The following GLP2R variants were observed in gnomAD, a reference collection of about 807,000 sequenced individuals.
GLP2R encodes glucagon like peptide 2 receptor.
A neutral mutation model predicts 68.2 loss-of-function variants in GLP2R; 59 were observed. The observed-to-expected ratio is 0.87, with a 90% CI of 0.70 to 1.07. GLP2R has a LOEUF of 1.07. Ranked by LOEUF, GLP2R falls within the 50% of genes least tolerant of loss-of-function variation. The pLI is 0.00. For missense variants in GLP2R, 548 were observed against 677.4 expected (o/e 0.81, Z 2.12); for synonymous variants, 270 against 265.4 (o/e 1.02, Z -0.17).
At chr17:9,870,104 G>A (rs745743290) in intron 9 of GLP2R, among the ~76,000 whole-genome samples, 17 of 152,128 alleles carry the variant, frequency 1.1e-4, no homozygotes, top group Admixed American at 1.0e-3. Context: ...ACAGAAGAGA[G>A]GCAGAATAGC....
intron 4 of GLP2R, among the ~76,000 whole-genome samples, chr17:9,847,018 T>A (rs1021381756): frequency 2.6e-5 from 4 of 152,244 alleles, no homozygotes; most frequent in Admixed American, 1.3e-4. Context: ...GGCTAGGATT[T>A]GTTAACACTT....
chr17:9,869,991 C>T (rs563820638), intron 9 of GLP2R, among the ~76,000 whole-genome samples: 49 of 152,306 alleles, frequency 3.2e-4, no homozygotes, highest in Middle Eastern at 3.4e-3. Flanking sequence ...CAGTCCATGA[C>T]AGTCGTGGAA....
chr17:9,847,277 C>CT (rs34692608), intron 4 of GLP2R, among the ~76,000 whole-genome samples: 21,195 of 150,512 alleles, frequency 0.14, 2,943 homozygotes, highest in East Asian at 0.73. Flanking sequence ...ATTTTTTTTT[C>CT]TTTTTTTTTG....
intron 4 of GLP2R, among the ~76,000 whole-genome samples, chr17:9,851,007 A>G (rs915128202): frequency 4.0e-5 from 6 of 151,152 alleles, no homozygotes; most frequent in African/African-American, 1.5e-4. Context: ...TTTTTTTTTC[A>G]CTTTCTATGC....
intron 4 of GLP2R, among the ~76,000 whole-genome samples, chr17:9,851,923 A>G (rs558237230): frequency 5.1e-4 from 78 of 152,232 alleles, no homozygotes; most frequent in Non-Finnish European, 2.4e-4. Context: ...TAAATAACCC[A>G]TGAGTCAAGT....
In GLP2R at chr17:9,879,005, G is replaced by A. The variant is rs906138224; in HGVS notation, c.1146-1373G>A. 1.2e-4 allele frequency among the ~76,000 whole-genome samples: 19 copies of A among 152,020 alleles called. No individual in the cohort carries two copies. In the East Asian group the frequency reaches 2.3e-3, roughly 19 times the overall value. ...AAGACAGTAGCTTTGTTCGTACCCCGAATATGAGTCATCTCTGCTAATGTA... is the reference window on the plus strand; with the variant it reads ...AAGACAGTAGCTTTGTTCGTACCCCAAATATGAGTCATCTCTGCTAATGTA... On this transcript the variant is annotated intron_variant, in intron 10 of 12. Transcript: ENST00000262441.
chr17:9,831,589 G>A (rs115584306), intron 1 of GLP2R, among the ~76,000 whole-genome samples: 2,752 of 152,292 alleles, frequency 0.018, 77 homozygotes, highest in African/African-American at 0.062. Flanking sequence ...AGGTGAAAAT[G>A]AGGGCAGAAG....
chr17:9,828,870 C>T (rs745335016), intron 1 of GLP2R, among the ~76,000 whole-genome samples: 6 of 152,182 alleles, frequency 3.9e-5, no homozygotes, highest in Non-Finnish European at 7.3e-5. Context: ...TCTGCTTCCA[C>T]TCTCTGCCAC....
Position 9,889,526 on chromosome 17 carries a change from C to T in GLP2R, c.1483C>T (p.Pro495Ser). The change falls in exon 13 of 13, where the codon CCC becomes TCC. Residue 495 changes from proline to serine, a missense_variant. Physicochemically the swap from Pro to Ser is moderately conservative, Grantham distance 74 (BLOSUM62 -1). Coordinates refer to ENST00000262441, the MANE Select transcript of GLP2R (RefSeq NM_004246.3). ...DGAEKLRKLQ[P>S]SLNSGRLLHL... ...CGCTGAGAAGCTTCGGAAGCTGCAG[C>T]CCTCACTTAACAGTGGGCGGCTCCT... 2 of 1,614,230 alleles carry T rather than the reference C, an allele frequency of 1.2e-6. No homozygotes were observed. The highest frequency in any genetic ancestry group is 4.5e-5 in the East Asian group (2 of 44,874).
At position 9,882,245 on chromosome 17, in the gene GLP2R, C is replaced by G. The variant is rs529219631; in HGVS notation, c.1284+1729C>G. Among the ~76,000 whole-genome samples, 17 of 152,314 alleles carry G rather than the reference C, an allele frequency of 1.1e-4. No homozygotes were observed. The South Asian group carries it at 3.5e-3, about 32-fold the overall frequency. Reference sequence around the variant, plus strand: ...ATTTGGATCAAAGAGCAGAAAAACTCTCATCCTTGGGCATTGCCAGATACA... The same window carrying G: ...ATTTGGATCAAAGAGCAGAAAAACTGTCATCCTTGGGCATTGCCAGATACA... On this transcript the variant is annotated intron_variant, in intron 11 of 12. Transcript: ENST00000262441.
chr17:9,885,848 A>G (rs8064515), intron 11 of GLP2R, among the ~76,000 whole-genome samples: 9,188 of 152,082 alleles, frequency 0.06, 938 homozygotes, highest in African/African-American at 0.21. Flanking sequence ...GGAACCATCA[A>G]GGCCATCTCT....
rs780512614 is a variant in GLP2R at position 9,887,983 on chromosome 17, C to T, written c.1326+10C>T. 2 of 1,601,724 alleles carry T rather than the reference C, an allele frequency of 1.2e-6. No individual in the cohort carries two copies. The highest frequency in any genetic ancestry group is 2.7e-5 in the African/African-American group (2 of 74,682). ...TTTTGCCAATGGAGAGGTATGATTTCCACGTTGCCATCCTGGTTTCATGTG... is the reference window on the plus strand; with the variant it reads ...TTTTGCCAATGGAGAGGTATGATTTTCACGTTGCCATCCTGGTTTCATGTG... On this transcript the variant is annotated intron_variant, in intron 12 of 12. Transcript: ENST00000262441.
At chr17:9,865,961 G>C (rs4791896) in intron 9 of GLP2R, 94,419 of 469,270 alleles carry the variant, frequency 0.2, 14,301 homozygotes, top group African/African-American at 0.52. Flanking sequence ...AGATCTTCAT[G>C]TCTATCAGTT....
intron 4 of GLP2R, among the ~76,000 whole-genome samples, chr17:9,843,665 C>T (rs1275752467): frequency 1.3e-5 from 2 of 152,220 alleles, no homozygotes; most frequent in Admixed American, 6.5e-5. Context: ...GACTCTTGCT[C>T]TTCTCCCTGA....
chr17:9,885,424 C>T (rs1413849637), intron 11 of GLP2R, among the ~76,000 whole-genome samples: 1 of 151,932 alleles, frequency 6.6e-6, no homozygotes, highest in African/African-American at 2.4e-5. Flanking sequence ...TCTTTTGATA[C>T]ATGTGATTTT....
intron 12 of GLP2R, 99 bp downstream of exon 12, chr17:9,888,072 AATGTGCAGTGACCAGC>A: frequency 1.2e-6 from 1 of 854,242 alleles, no homozygotes; most frequent in Non-Finnish European, 2.1e-6. Context: ...GCTACGGGAG[AATGTGCAGTGACCAGC>A]ATGTGTGGGG....
intron 4 of GLP2R, among the ~76,000 whole-genome samples, chr17:9,846,980 T>G (rs2066844731): frequency 6.6e-6 from 1 of 152,210 alleles, no homozygotes; most frequent in Non-Finnish European, 1.5e-5. Context: ...AACAACAGGC[T>G]CCCTGCTTCC....
rs2152052381 is a variant in GLP2R, at chr17:9,890,866, C to A, written c.*1161C>A. 1 of 152,332 alleles carries A rather than the reference C, an allele frequency of 6.6e-6. No homozygotes were observed. Among genetic ancestry groups the A allele is most frequent in the African/African-American group, 2.4e-5 (1 of 41,534 alleles). The allele number at this position is 152,332 out of a possible 1,614,324, so 9.4% of individuals were successfully genotyped here. ...CACCAGCCTGTGGGATCTTTCCTGC[C>A]TACTGTGACCCATGGAGGCTGAGGA... On this transcript the variant is annotated 3_prime_UTR_variant, in exon 13 of 13. Transcript: ENST00000262441.
intron 12 of GLP2R, among the ~76,000 whole-genome samples, chr17:9,888,347 T>C (rs2067261822): frequency 6.6e-6 from 1 of 152,222 alleles, no homozygotes; most frequent in Admixed American, 6.5e-5. Context: ...TTAGCCTCAC[T>C]TTCCTCATCA....
Sources: gnomAD v4.1 joint callset for allele counts (sites outside exome capture counted in the v4.1 genomes callset) on GRCh38, gnomAD v4.1.1 for gene constraint, MANE v1.5 for transcripts, NCBI Gene and HGNC (gene_info 2026-07-23, HGNC 2026-07-21) for gene names.